Variants in SHANK2 observed in about 807,000 individuals in gnomAD.
SHANK2 encodes the protein SH3 and multiple ankyrin repeat domains 2.
SHANK2 carries 43 observed loss-of-function variants against 133.7 expected under a neutral mutation model. The observed-to-expected ratio is 0.32, with a 90% CI of 0.25 to 0.41. The LOEUF is 0.41. Among genes scored for constraint, SHANK2 ranks in the 10% least tolerant of loss-of-function variants. The pLI is 1.00. For missense variants in SHANK2, 1,994 were observed against 2,235.8 expected (o/e 0.89, Z 2.18); for synonymous variants, 1,017 against 952.8 (o/e 1.07, Z -1.24).
Position 70,479,806 on chromosome 11 carries a change from T to C in SHANK2, c.4979+5508A>G, listed in dbSNP as rs2058709987. 6.6e-6 allele frequency among the ~76,000 whole-genome samples: 1 copy of C among 152,198 alleles called. No homozygotes were observed. The highest frequency in any genetic ancestry group is 1.5e-5 in the Non-Finnish European group (1 of 68,032). On this transcript the variant is annotated intron_variant, in intron 25 of 25. Coordinates refer to ENST00000601538, the MANE Select transcript of SHANK2 (RefSeq NM_012309.5). The surrounding 1 kb of genome is among the most constrained non-coding windows in gnomAD (Gnocchi z 4.4). ...TATCGGCGCCTGGTATGTGTCAGTA[T>C]CTCTCAATAAAGCTGGAGGGCACAT...
chr11:70,753,181 AAAAAAC>A (rs1262607658), intron 14 of SHANK2, among the ~76,000 whole-genome samples: 1 of 151,850 alleles, frequency 6.6e-6, no homozygotes, highest in Non-Finnish European at 1.5e-5. Flanking sequence ...GTTAAAAAAA[AAAAAAC>A]AAAAAACAAA....
intron 14 of SHANK2, among the ~76,000 whole-genome samples, chr11:70,699,975 T>G (rs546149248): frequency 6.6e-6 from 1 of 152,342 alleles, no homozygotes; most frequent in African/African-American, 2.4e-5. Context: ...TCTGTCTTCT[T>G]GCTTCTGCCA....
chr11:71,122,135 C>T (rs146391856), intron 3 of SHANK2, among the ~76,000 whole-genome samples: 5,384 of 152,278 alleles, frequency 0.035, 136 homozygotes, highest in Middle Eastern at 0.085. Context: ...ACCCAGTGAT[C>T]CCATTACTGG....
chr11:70,864,053 G>A (rs577289541), intron 11 of SHANK2: 2 of 342,544 alleles, frequency 5.8e-6, no homozygotes, highest in Admixed American at 8.1e-5. Context: ...TACGACCTGG[G>A]CACCTTGCAA....
intron 11 of SHANK2, among the ~76,000 whole-genome samples, chr11:70,851,366 T>A (rs1949084096): frequency 6.6e-6 from 1 of 152,248 alleles, no homozygotes; most frequent in Non-Finnish European, 1.5e-5. Flanking sequence ...AGAACATGGC[T>A]GTCCACTTAA....
intron 1 of SHANK2, among the ~76,000 whole-genome samples, chr11:71,242,309 C>T (rs1457510947): frequency 1.2e-4 from 19 of 152,244 alleles, no homozygotes; most frequent in African/African-American, 4.3e-4. Context: ...TACATGGTGA[C>T]GATGGCTGCA....
intron 2 of SHANK2, among the ~76,000 whole-genome samples, chr11:71,152,877 T>C (rs1260128859): frequency 6.6e-6 from 1 of 152,082 alleles, no homozygotes; most frequent in Non-Finnish European, 1.5e-5. Context: ...GATCACTGCC[T>C]GGGAAAACAT....
chr11:70,863,388 C>T, intron 11 of SHANK2: 1 of 457,938 alleles, frequency 2.2e-6, no homozygotes. Flanking sequence ...CCAGTGCTGG[C>T]CCTGTCTGGA....
chr11:70,596,310 G>A (rs2060399486), intron 17 of SHANK2, among the ~76,000 whole-genome samples: 1 of 152,214 alleles, frequency 6.6e-6, no homozygotes, highest in Admixed American at 6.5e-5. Context: ...GGCAGACCTG[G>A]CGCCTGGGAA....
intron 17 of SHANK2, among the ~76,000 whole-genome samples, chr11:70,526,257 C>A (rs2059394830): frequency 6.6e-6 from 1 of 152,198 alleles, no homozygotes; most frequent in East Asian, 1.9e-4. Flanking sequence ...AATTGTAGCT[C>A]ATCCACCTCC....
At chr11:70,919,445 G>A (rs752326452) in intron 10 of SHANK2, among the ~76,000 whole-genome samples, 1 of 151,152 alleles carries the variant, frequency 6.6e-6, no homozygotes, top group Non-Finnish European at 1.5e-5. Flanking sequence ...GCAGTGGCAC[G>A]ATCTCGGCTC....
chr11:70,760,389 A>G (rs1946968885), intron 14 of SHANK2, among the ~76,000 whole-genome samples: 1 of 152,178 alleles, frequency 6.6e-6, no homozygotes. Flanking sequence ...AAATCGTGCA[A>G]TTCTTGGGCT....
At chr11:71,151,303 T>C (rs1431517671) in intron 2 of SHANK2, among the ~76,000 whole-genome samples, 2 of 152,062 alleles carry the variant, frequency 1.3e-5, no homozygotes, top group Non-Finnish European at 2.9e-5. Flanking sequence ...AGGAGAAAGC[T>C]GATACCCACT....
chr11:70,833,084 G>C (rs781798628), intron 11 of SHANK2, among the ~76,000 whole-genome samples: 13 of 152,378 alleles, frequency 8.5e-5, no homozygotes, highest in South Asian at 2.1e-4. Flanking sequence ...AGCTTCCCCA[G>C]CTGCTGTGGT....
Position 71,147,322 on chromosome 11 carries a change from G to A in SHANK2, c.5C>T (p.Pro2Leu), listed in dbSNP as rs115978536. 1.2e-3 allele frequency: 1,879 copies of A among 1,547,256 alleles called. 17 individuals are homozygous for A. In the African/African-American group the frequency reaches 0.023, roughly 19 times the overall value. M[P>L]RSPTSSEDEM... Reference sequence around the variant, plus strand: ...GTCCTCGCTGGATGTTGGGCTGCGCGGCATGGCTGCCTGTGTCTTCGAGGT... The same window carrying A: ...GTCCTCGCTGGATGTTGGGCTGCGCAGCATGGCTGCCTGTGTCTTCGAGGT... Residue 2 changes from proline to leucine, a missense_variant, in exon 3 of 26, where the codon CCG becomes CTG. This residue lies in a region of SHANK2 where 653 missense variants were observed against 563.4 expected (regional missense o/e 1.16). Transcript: ENST00000601538.
At position 70,470,800 on chromosome 11, in the gene SHANK2, CAGA is replaced by C. The variant is rs1267923249; in HGVS notation, c.*2066_*2068del. 6.5e-6 allele frequency: 1 copy of C among 152,792 alleles called. No homozygotes were observed. Among genetic ancestry groups the C allele is most frequent in the Non-Finnish European group, 1.5e-5 (1 of 68,438 alleles). 9.5% of individuals were successfully genotyped at this position (152,792 alleles called of 1,614,324 possible). A position where few individuals can be genotyped will look rare whatever the true frequency, so the allele number is the denominator to read the frequency against. On this transcript the variant is annotated 3_prime_UTR_variant, in exon 26 of 26. Coordinates refer to ENST00000601538, the MANE Select transcript of SHANK2 (RefSeq NM_012309.5). Reference sequence around the variant, plus strand: ...GATTGACCTGCAAAAGGTTTTGGAACAGAAGGTCCAAAAACTTGGTTCCAACAT... The same window carrying C: ...GATTGACCTGCAAAAGGTTTTGGAACAGGTCCAAAAACTTGGTTCCAACAT...
chr11:71,127,508 C>T (rs1264364209), intron 3 of SHANK2, among the ~76,000 whole-genome samples: 1 of 152,170 alleles, frequency 6.6e-6, no homozygotes, highest in African/African-American at 2.4e-5. Context: ...CACAGCCACC[C>T]CAACCTTCAG....
intron 2 of SHANK2, among the ~76,000 whole-genome samples, chr11:71,202,374 A>C (rs1954035520): frequency 6.6e-6 from 1 of 152,174 alleles, no homozygotes; most frequent in Non-Finnish European, 1.5e-5. Context: ...AGGTCCTTGT[A>C]CCTTAAGAAC....
chr11:70,709,047 C>A (rs1945724277), intron 14 of SHANK2, among the ~76,000 whole-genome samples: 1 of 152,076 alleles, frequency 6.6e-6, no homozygotes, highest in Non-Finnish European at 1.5e-5. Flanking sequence ...CCCATCTCTA[C>A]AAAAAATACA....
Sources: gnomAD v4.1 joint callset for allele counts (sites outside exome capture counted in the v4.1 genomes callset) on GRCh38, gnomAD v4.1.1 for gene constraint, gnomAD v4.1.1 regional missense constraint, Gnocchi (gnomAD v3.1) non-coding constraint, MANE v1.5 for transcripts, NCBI Gene and HGNC (gene_info 2026-07-23, HGNC 2026-07-21) for gene names.